LRRC20: variants seen among roughly 807,000 people sequenced by gnomAD.
The protein encoded by LRRC20 is leucine rich repeat containing 20, also known as leucine-rich repeat-containing protein 20.
In LRRC20, 11 loss-of-function variants were observed where a neutral mutation model predicts 14.4. The ratio of observed to expected loss-of-function variants is 0.77; its 90% CI spans 0.48 to 1.27. LRRC20 has a LOEUF of 1.27. Among genes scored for constraint, LRRC20 ranks in the 50% most tolerant of loss-of-function variants. LRRC20 has a pLI of 0.00. For synonymous variants in LRRC20, 121 were observed against 107.3 expected, an observed-to-expected ratio of 1.13 and a Z score of -0.79; for missense variants, 219 against 251.2, an observed-to-expected ratio of 0.87 and a Z score of 0.87.
intron 2 of LRRC20, among the ~76,000 whole-genome samples, chr10:70,359,295 G>T (rs1044724220): frequency 2.0e-5 from 3 of 152,170 alleles, no homozygotes; most frequent in Non-Finnish European, 4.4e-5. Flanking sequence ...AGTCGCTCAT[G>T]CCTGCAATCC....
chr10:70,371,248 C>G (rs1356638742), intron 2 of LRRC20, among the ~76,000 whole-genome samples: 1 of 151,846 alleles, frequency 6.6e-6, no homozygotes, highest in African/African-American at 2.4e-5. Context: ...GCAATCCTCT[C>G]GCCTCAACCT....
chr10:70,363,178 T>G (rs1307739284), intron 2 of LRRC20, among the ~76,000 whole-genome samples: 2 of 147,306 alleles, frequency 1.4e-5, no homozygotes, highest in Admixed American at 7.0e-5. Context: ...CTCGAGAGGC[T>G]GAGTCAGGAG....
At chr10:70,340,782 A>AT in intron 2 of LRRC20, 80 bp from the exon 3 acceptor site, 1 of 1,466,548 alleles carries the variant, frequency 6.8e-7, no homozygotes, top group Non-Finnish European at 9.4e-7. Flanking sequence ...CACAGACCCC[A>AT]CCTCCATGCC....
intron 2 of LRRC20, among the ~76,000 whole-genome samples, chr10:70,341,307 A>G (rs535405673): frequency 2.6e-5 from 4 of 152,322 alleles, no homozygotes; most frequent in African/African-American, 9.6e-5. Flanking sequence ...CCCAAGAGAC[A>G]AAAACATACA....
At chr10:70,367,051 G>A (rs1334600665) in intron 2 of LRRC20, among the ~76,000 whole-genome samples, 2 of 152,048 alleles carry the variant, frequency 1.3e-5, no homozygotes, top group Non-Finnish European at 2.9e-5. Flanking sequence ...CTGACCAGAT[G>A]CCGTGGTTTG....
At chr10:70,321,441 A>G (rs1215985021) in intron 4 of LRRC20, among the ~76,000 whole-genome samples, 1 of 152,194 alleles carries the variant, frequency 6.6e-6, no homozygotes, top group Non-Finnish European at 1.5e-5. Context: ...CCACTCAAGT[A>G]ACTCGGATGG....
chr10:70,354,036 C>T (rs1346390241), intron 2 of LRRC20, among the ~76,000 whole-genome samples: 1 of 152,136 alleles, frequency 6.6e-6, no homozygotes, highest in Non-Finnish European at 1.5e-5. Flanking sequence ...GTCCTTATGC[C>T]CTTAGTTTTC....
At chr10:70,357,982 A>G (rs935772535) in intron 2 of LRRC20, among the ~76,000 whole-genome samples, 1 of 152,246 alleles carries the variant, frequency 6.6e-6, no homozygotes, top group Non-Finnish European at 1.5e-5. Context: ...GAAAGCATCA[A>G]TCAGTCCCTT....
At chr10:70,356,432 C>CT (rs897922213) in intron 2 of LRRC20, among the ~76,000 whole-genome samples, 5 of 152,138 alleles carry the variant, frequency 3.3e-5, no homozygotes, top group Admixed American at 3.3e-4. Context: ...GGGAGGATCG[C>CT]TTGAGCTTGG....
intron 2 of LRRC20, among the ~76,000 whole-genome samples, chr10:70,363,334 G>A (rs558468191): frequency 2.0e-5 from 3 of 151,826 alleles, no homozygotes; most frequent in African/African-American, 7.3e-5. Flanking sequence ...GAGAGAGGAA[G>A]GGAGGAAGGA....
At chr10:70,368,567 G>A (rs867410425) in intron 2 of LRRC20, among the ~76,000 whole-genome samples, 5 of 151,944 alleles carry the variant, frequency 3.3e-5, no homozygotes, top group South Asian at 4.2e-4. Flanking sequence ...CAGCCACCGC[G>A]CCCAGCCTGA....
chr10:70,301,525 G>C lies in LRRC20; in HGVS notation c.401-17C>G. On this transcript the variant is annotated splice_polypyrimidine_tract_variant and intron_variant, in intron 4 of 4. Transcript: ENST00000446961. ...CGGGCACATCTATTGGGGACAGAAT[G>C]GACAGGTTAGAGTGGTGGAGGCCAA... 6.2e-7 allele frequency: 1 copy of C among 1,613,174 alleles called. No homozygotes were observed. The highest frequency in any genetic ancestry group is 2.2e-5 in the East Asian group (1 of 44,870).
intron 2 of LRRC20, among the ~76,000 whole-genome samples, chr10:70,369,605 C>CAAA (rs71009298): frequency 1.5e-5 from 1 of 68,564 alleles, no homozygotes; most frequent in African/African-American, 6.1e-5. Context: ...GACGCTGTCT[C>CAAA]AAAAAAAAAA....
At chr10:70,304,470 TTATATATATATA>T (rs57284629) in intron 4 of LRRC20, among the ~76,000 whole-genome samples, 21,566 of 113,812 alleles carry the variant, frequency 0.19, 2,608 homozygotes, top group Middle Eastern at 0.33. Flanking sequence ...GGCCACTTCT[TTATATATATATA>T]TATATATATA....
rs188111200 is a variant in LRRC20 at position 70,345,958 on chromosome 10, G to A, written c.83-5256C>T. Among the ~76,000 whole-genome samples the A allele has an allele frequency of 1.6e-3, 239 of 151,842 alleles. 4 individuals carry two copies. Among genetic ancestry groups the A allele is most frequent in the East Asian group, 1.2e-3 (6 of 5,154 alleles). On this transcript the variant is annotated intron_variant, in intron 2 of 4. Transcript: ENST00000446961. The stretch of plus-strand genomic sequence containing the variant: ...CAACCTGGGCAACACAGCAAGACCC[G>A]TCTCTACAAAAAATAAAATACGGCT...
intron 3 of LRRC20, among the ~76,000 whole-genome samples, chr10:70,332,663 C>T (rs775798553): frequency 6.6e-5 from 10 of 152,198 alleles, no homozygotes; most frequent in Non-Finnish European, 1.0e-4. Flanking sequence ...ACTAAGGTAG[C>T]TCTTTTTTCT....
chr10:70,301,861 A>G (rs1841201401), intron 4 of LRRC20, among the ~76,000 whole-genome samples: 1 of 152,258 alleles, frequency 6.6e-6, no homozygotes, highest in Non-Finnish European at 1.5e-5. Context: ...AGCACTATTT[A>G]TAATAGTCAA....
chr10:70,318,869 G>A (rs978338041), intron 4 of LRRC20, among the ~76,000 whole-genome samples: 2 of 151,728 alleles, frequency 1.3e-5, no homozygotes, highest in Admixed American at 6.6e-5. Context: ...GTACAGTGGT[G>A]CAATCACAGC....
chr10:70,370,278 C>A (rs1425913420), intron 2 of LRRC20, among the ~76,000 whole-genome samples: 1 of 152,150 alleles, frequency 6.6e-6, no homozygotes, highest in Admixed American at 6.6e-5. Flanking sequence ...AGGCACCTGA[C>A]CAAAGCAATC....
Sources: gnomAD v4.1 joint callset for allele counts (sites outside exome capture counted in the v4.1 genomes callset) on GRCh38, gnomAD v4.1.1 for gene constraint, MANE v1.5 for transcripts, NCBI Gene and HGNC (gene_info 2026-07-23, HGNC 2026-07-21) for gene names.